ABHD17C: variants seen among roughly 807,000 people sequenced by gnomAD.
ABHD17C encodes the protein alpha/beta hydrolase domain-containing protein 17C.
A neutral mutation model predicts 27.9 loss-of-function variants in ABHD17C; 11 were observed. That is an observed-to-expected ratio of 0.39 (90% confidence interval 0.25 to 0.65). The LOEUF is 0.65. Ranked by LOEUF, ABHD17C falls within the 30% of genes least tolerant of loss-of-function variation. The pLI is 0.45. For synonymous variants in ABHD17C, 233 were observed against 209.1 expected, an observed-to-expected ratio of 1.11 and a Z score of -0.98; for missense variants, 280 against 470.2, an observed-to-expected ratio of 0.60 and a Z score of 3.74.
chr15:80,754,454 G>T lies in ABHD17C; in HGVS notation c.*84G>T. On this transcript the variant is annotated 3_prime_UTR_variant, in exon 3 of 3. Transcript: ENST00000258884. ...ATGCTTTAACTGGGTAGCTGTAAAG[G>T]CTTGATAACCATGAAGAAGTGCCCA... 1 of 1,217,640 alleles carries T rather than the reference G, an allele frequency of 8.2e-7. No homozygotes were observed. Among genetic ancestry groups the T allele is most frequent in the Non-Finnish European group, 1.1e-6 (1 of 877,502 alleles). The allele number at this position is 1,217,640 out of a possible 1,614,324, so 75.4% of individuals were successfully genotyped here.
intron 1 of ABHD17C, among the ~76,000 whole-genome samples, chr15:80,699,339 T>G (rs1413654334): frequency 2.6e-5 from 4 of 152,164 alleles, no homozygotes; most frequent in Admixed American, 2.6e-4. Context: ...GTAAAGTTAA[T>G]TTTTCCTAAG....
chr15:80,724,028 C>T (rs1181113704), intron 1 of ABHD17C, among the ~76,000 whole-genome samples: 1 of 152,028 alleles, frequency 6.6e-6, no homozygotes, highest in East Asian at 1.9e-4. Context: ...CATGGTGAAA[C>T]CCTGTCTCTA....
At chr15:80,744,031 C>G (rs1275325577) in intron 1 of ABHD17C, among the ~76,000 whole-genome samples, 2 of 152,112 alleles carry the variant, frequency 1.3e-5, no homozygotes. Context: ...TCACTTGATC[C>G]TGTTATGTTT....
At position 80,722,015 on chromosome 15, in the gene ABHD17C, A is replaced by C. The variant is rs1007248465; in HGVS notation, c.590+25996A>C. Among the ~76,000 whole-genome samples the C allele has an allele frequency of 1.1e-4, 17 of 152,138 alleles. No individual in the cohort carries two copies. In the East Asian group the frequency reaches 3.3e-3, roughly 30 times the overall value. On this transcript the variant is annotated intron_variant, in intron 1 of 2. Transcript: ENST00000258884. ...CTATAATTTACCTATTTTTAGTTGC[A>C]TGCTAATTTTGAGTCGGAATCCTCT...
chr15:80,713,185 C>G (rs1026521182), intron 1 of ABHD17C, among the ~76,000 whole-genome samples: 6 of 151,842 alleles, frequency 4.0e-5, no homozygotes, highest in Non-Finnish European at 8.8e-5. Flanking sequence ...CATCAGCTCT[C>G]AGGCGCAGTG....
intron 1 of ABHD17C, among the ~76,000 whole-genome samples, chr15:80,721,190 T>A (rs1040458004): frequency 6.7e-6 from 1 of 149,238 alleles, no homozygotes; most frequent in African/African-American, 2.5e-5. Context: ...AGTTAGATTT[T>A]GTGTTTACCC....
chr15:80,720,598 A>C (rs749250752), intron 1 of ABHD17C, among the ~76,000 whole-genome samples: 203 of 152,192 alleles, frequency 1.3e-3, no homozygotes, highest in African/African-American at 4.7e-3. Context: ...AAGTTTTACA[A>C]AAATATTCCA....
chr15:80,710,929 G>C (rs968204521), intron 1 of ABHD17C, among the ~76,000 whole-genome samples: 2 of 152,082 alleles, frequency 1.3e-5, no homozygotes, highest in Non-Finnish European at 2.9e-5. Context: ...GGATTGTGGG[G>C]CAGGGCATAG....
chr15:80,699,439 G>A (rs1397863359), intron 1 of ABHD17C, among the ~76,000 whole-genome samples: 2 of 151,916 alleles, frequency 1.3e-5, no homozygotes, highest in South Asian at 2.1e-4. Context: ...AGGGCCAGAT[G>A]TATTGGCTTG....
At chr15:80,745,028 A>T (rs1302149719) in intron 1 of ABHD17C, among the ~76,000 whole-genome samples, 1 of 152,234 alleles carries the variant, frequency 6.6e-6, no homozygotes, top group Non-Finnish European at 1.5e-5. Flanking sequence ...CCATATCTGA[A>T]GTATCTGGTG....
intron 1 of ABHD17C, among the ~76,000 whole-genome samples, chr15:80,706,342 A>G (rs535788275): frequency 3.9e-5 from 6 of 152,344 alleles, no homozygotes; most frequent in South Asian, 4.1e-4. Flanking sequence ...TTCAGATTCA[A>G]TGCTCAGACG....
At chr15:80,713,622 A>C (rs1221527579) in intron 1 of ABHD17C, among the ~76,000 whole-genome samples, 1 of 151,880 alleles carries the variant, frequency 6.6e-6, no homozygotes, top group Non-Finnish European at 1.5e-5. Context: ...AGCCTGGCCA[A>C]CATAGTGAAA....
At chr15:80,737,366 C>T (rs747052845) in intron 1 of ABHD17C, among the ~76,000 whole-genome samples, 12 of 152,134 alleles carry the variant, frequency 7.9e-5, no homozygotes, top group Non-Finnish European at 1.8e-4. Context: ...TCTAGATCCC[C>T]AAGGTGATGG....
intron 1 of ABHD17C, among the ~76,000 whole-genome samples, chr15:80,721,557 G>A (rs924082967): frequency 6.6e-6 from 1 of 152,180 alleles, no homozygotes; most frequent in African/African-American, 2.4e-5. Flanking sequence ...TTTTAGAATT[G>A]TGCCAGGCAA....
chr15:80,747,091 T>C (rs938092642), intron 1 of ABHD17C, among the ~76,000 whole-genome samples: 2 of 152,198 alleles, frequency 1.3e-5, no homozygotes, highest in African/African-American at 4.8e-5. Flanking sequence ...CCTCCTCTTA[T>C]ATTTTCTTTG....
intron 1 of ABHD17C, among the ~76,000 whole-genome samples, chr15:80,723,102 G>T (rs1181927291): frequency 1.3e-5 from 2 of 151,066 alleles, no homozygotes; most frequent in African/African-American, 2.4e-5. Flanking sequence ...GGATACTGAG[G>T]GATGGCTGTA....
At chr15:80,743,783 C>T (rs1187081751) in intron 1 of ABHD17C, among the ~76,000 whole-genome samples, 3 of 152,120 alleles carry the variant, frequency 2.0e-5, no homozygotes, top group Non-Finnish European at 4.4e-5. Flanking sequence ...GATAAGGTTT[C>T]ACTTTGTTGT....
chr15:80,705,333 TTGTGTGTGTG>T (rs1555421862), intron 1 of ABHD17C, among the ~76,000 whole-genome samples: 1 of 106,822 alleles, frequency 9.4e-6, no homozygotes, highest in Non-Finnish European at 1.9e-5. Context: ...TTCCTATGAT[TTGTGTGTGTG>T]TGTGTGTGTG....
At chr15:80,730,829 T>C (rs1895047918) in intron 1 of ABHD17C, among the ~76,000 whole-genome samples, 1 of 152,174 alleles carries the variant, frequency 6.6e-6, no homozygotes, top group South Asian at 2.1e-4. Context: ...TTGTAATTGT[T>C]TATGGTGAAA....
Sources: allele counts gnomAD v4.1 joint callset (sites outside exome capture counted in the v4.1 genomes callset), GRCh38; gene constraint gnomAD v4.1.1; transcripts MANE v1.5; gene names NCBI Gene and HGNC (gene_info 2026-07-23, HGNC 2026-07-21).